The following INCENP variants were observed in gnomAD, a reference collection of about 807,000 sequenced individuals.
INCENP encodes inner centromere protein.
A neutral mutation model predicts 107.3 loss-of-function variants in INCENP; 43 were observed. The observed-to-expected ratio is 0.40, with a 90% CI of 0.31 to 0.52. The LOEUF (loss-of-function observed/expected upper bound fraction) is 0.52, where lower values mean the gene tolerates loss of function less well. Among genes scored for constraint, INCENP ranks in the 20% least tolerant of loss-of-function variants. INCENP has a pLI of 0.53. For missense variants in INCENP, 1,089 were observed against 1,250.9 expected (o/e 0.87, Z 1.95); for synonymous variants, 488 against 494.4 (o/e 0.99, Z 0.17).
intron 11 of INCENP, 52 bp downstream of exon 11, chr11:62,141,563 G>A (rs145564710): frequency 8.7e-6 from 14 of 1,609,010 alleles, no homozygotes; most frequent in South Asian, 3.3e-5. Context: ...GCACTCACCC[G>A]CTGTAGCCCC....
chr11:62,152,246 T>G lies in INCENP; in HGVS notation c.*270T>G. The G allele has an allele frequency of 2.0e-6, 1 of 502,080 alleles. No individual in the cohort carries two copies. Among genetic ancestry groups the G allele is most frequent in the South Asian group, 2.9e-5 (1 of 34,364 alleles). The allele number at this position is 502,080 out of a possible 1,614,324, so 31.1% of individuals were successfully genotyped here. On this transcript the variant is annotated 3_prime_UTR_variant, in exon 19 of 19. Transcript: ENST00000394818. ...CAGACAGTGCTCTGTAAATAGTTGT[T>G]TTAATTTAGCTGAATGTTAGCATTT...
Position 62,151,974 on chromosome 11 carries a change from T to G in INCENP, c.2755T>G (p.Ter919GlyextTer87). The part of the protein sequence containing the change: ...SSLAYSLKKH[*>G] ...CCTGGCCTACAGCCTGAAGAAGCAC[T>G]GAGGCTGGCCTGCGGCCTTCTTGGC... is the stretch of plus-strand genomic sequence containing the variant. Residue 919 changes from the stop codon to glycine, a stop_lost, in exon 19 of 19, where the codon TGA becomes GGA. Coordinates refer to ENST00000394818, the MANE Select transcript of INCENP (RefSeq NM_001040694.2). 1.2e-6 allele frequency: 2 copies of G among 1,608,144 alleles called. No homozygotes were observed. The highest frequency in any genetic ancestry group is 1.7e-6 in the Non-Finnish European group (2 of 1,179,216).
intron 3 of INCENP, among the ~76,000 whole-genome samples, chr11:62,129,201 T>G (rs1250043453): frequency 6.6e-6 from 1 of 152,190 alleles, no homozygotes; most frequent in East Asian, 1.9e-4. Flanking sequence ...TAGGTGAGTG[T>G]GACCAGGGGT....
In INCENP at chr11:62,151,769, G is replaced by A. The variant is rs201085297; in HGVS notation, c.2550G>A (p.Pro850=). The A allele has an allele frequency of 1.6e-5, 26 of 1,613,792 alleles. No homozygotes were observed. Among genetic ancestry groups the A allele is most frequent in the African/African-American group, 5.3e-5 (4 of 74,926 alleles). Residue 850 remains proline (P), a synonymous_variant, in exon 19 of 19, where the codon CCG becomes CCA. Transcript: ENST00000394818. ...GTCTGTGGTCTCCTGCAGGCACCCC[G>A]CTCAGCCAGGCTATCATTCACCAGT... ...KPIPTWARGT[P]LSQAIIHQYY... is the part of the protein sequence containing the mutation.
rs939298116 is a variant in INCENP at position 62,152,356 on chromosome 11, G to A, written c.*380G>A. On this transcript the variant is annotated 3_prime_UTR_variant, in exon 19 of 19. Coordinates refer to ENST00000394818, the MANE Select transcript of INCENP (RefSeq NM_001040694.2). ...GCTGTTGATACCATGAAGACTGGGCGCCTCAGTCCCAGCCCTGTAGCTGTG... is the reference window on the plus strand; with the variant it reads ...GCTGTTGATACCATGAAGACTGGGCACCTCAGTCCCAGCCCTGTAGCTGTG... 1.6e-5 allele frequency: 4 copies of A among 246,060 alleles called. No individual in the cohort carries two copies. Among genetic ancestry groups the A allele is most frequent in the Non-Finnish European group, 2.4e-5 (3 of 125,814 alleles). 15.2% of individuals were successfully genotyped at this position (246,060 alleles called of 1,614,324 possible). A position where few individuals can be genotyped will look rare whatever the true frequency, so the allele number is the denominator to read the frequency against.
At chr11:62,134,642 A>G (rs1463667504) in intron 4 of INCENP, among the ~76,000 whole-genome samples, 5 of 152,190 alleles carry the variant, frequency 3.3e-5, no homozygotes, top group Admixed American at 2.0e-4. Context: ...CAAAACAAAA[A>G]TGTACTGAAG....
Position 62,146,717 on chromosome 11 carries a change from G to A in INCENP, c.2019G>A (p.Glu673=). The A allele has an allele frequency of 6.4e-7, 1 of 1,550,828 alleles. No homozygotes were observed. The highest frequency in any genetic ancestry group is 2.4e-5 in the East Asian group (1 of 40,922). ...AGAAGAAGAAGGAAGAGGAGCAGGAGCGGCTGCGGAAGGCGGCCGAGGCTA... is the reference window on the plus strand; with the variant it reads ...AGAAGAAGAAGGAAGAGGAGCAGGAACGGCTGCGGAAGGCGGCCGAGGCTA... ...LLQKKKEEEQ[E]RLRKAAEAKR... is the part of the protein sequence containing the mutation. The change falls in exon 15 of 19, where the codon GAG becomes GAA. Residue 673 remains glutamate (E), a synonymous_variant. Coordinates refer to ENST00000394818, the MANE Select transcript of INCENP (RefSeq NM_001040694.2).
chr11:62,129,109 G>A (rs553200429), intron 3 of INCENP, among the ~76,000 whole-genome samples: 1 of 152,328 alleles, frequency 6.6e-6, no homozygotes, highest in South Asian at 2.1e-4. Context: ...CTGTGTGTTG[G>A]GGGTGGGTGT....
At chr11:62,141,140 T>C (rs1192794771) in intron 10 of INCENP, 96 bp downstream of exon 10, 1 of 1,486,602 alleles carries the variant, frequency 6.7e-7, no homozygotes, top group Non-Finnish European at 9.1e-7. Context: ...AGTGTGAGCC[T>C]GGGCGGAGGC....
At chr11:62,149,493 T>G in intron 17 of INCENP, among the ~76,000 whole-genome samples, 1 of 152,206 alleles carries the variant, frequency 6.6e-6, no homozygotes, top group South Asian at 2.1e-4. Context: ...TGATGGATGG[T>G]TACGTTGCAA....
At position 62,146,652 on chromosome 11, in the gene INCENP, T is replaced by A. The variant is rs1312075886; in HGVS notation, c.1960-6T>A. Reference sequence around the variant, plus strand: ...CCGCAGCACCTGACCTTGCTCTCTGTTTCAGGAGGAGGAAGAGCGGCGGCA... The same window carrying A: ...CCGCAGCACCTGACCTTGCTCTCTGATTCAGGAGGAGGAAGAGCGGCGGCA... On this transcript the variant is annotated splice_polypyrimidine_tract_variant and splice_region_variant and intron_variant, in intron 14 of 18. Transcript: ENST00000394818. The A allele has an allele frequency of 6.4e-7, 1 of 1,550,646 alleles. No individual in the cohort carries two copies. The highest frequency in any genetic ancestry group is 1.4e-5 in the African/African-American group (1 of 72,980).
rs938912699 is a variant in INCENP at position 62,141,817 on chromosome 11, C to A, written c.1605+306C>A. 3.1e-5 allele frequency: 16 copies of A among 521,120 alleles called. No individual in the cohort carries two copies. The East Asian group carries it at 5.6e-4, about 18-fold the overall frequency. 32.3% of individuals were successfully genotyped at this position (521,120 alleles called of 1,614,324 possible). Reference sequence around the variant, plus strand: ...ACAGCCACCTTCCCTCCCTCCTCCCCTGCACCAGGCCCCGTCAGGGTCTGT... The same window carrying A: ...ACAGCCACCTTCCCTCCCTCCTCCCATGCACCAGGCCCCGTCAGGGTCTGT... On this transcript the variant is annotated intron_variant, in intron 11 of 18. Coordinates refer to ENST00000394818, the MANE Select transcript of INCENP (RefSeq NM_001040694.2).
chr11:62,147,676 T>C (rs1171490814), intron 15 of INCENP, among the ~76,000 whole-genome samples: 2 of 152,174 alleles, frequency 1.3e-5, no homozygotes, highest in African/African-American at 4.8e-5. Flanking sequence ...TTTTTCCGTG[T>C]CCATCTTCGT....
rs371735595 is a variant in INCENP, at chr11:62,146,807, C to T, written c.2109C>T (p.Arg703=). The T allele has an allele frequency of 3.4e-4, 511 of 1,519,974 alleles. 3 individuals are homozygous for T. The African/African-American group carries it at 6.4e-3, about 19-fold the overall frequency. The allele number at this position is 1,519,974 out of a possible 1,614,324, so 94.2% of individuals were successfully genotyped here. Residue 703 remains arginine, a synonymous_variant, in exon 15 of 19, where the codon CGC becomes CGT. Transcript: ENST00000394818. Reference sequence around the variant, plus strand: ...AGGAGCGGCGCGAGCAGGAGCGGCGCGAGCAGGAGCGGCGGGAGCAGGAGC... The same window carrying T: ...AGGAGCGGCGCGAGCAGGAGCGGCGTGAGCAGGAGCGGCGGGAGCAGGAGC... ...REQERREQER[R]EQERREQERR...
intron 4 of INCENP, among the ~76,000 whole-genome samples, chr11:62,137,576 A>G (rs1944018677): frequency 2.0e-5 from 3 of 152,202 alleles, no homozygotes; most frequent in African/African-American, 7.2e-5. Context: ...TTCCCAGCCC[A>G]GTGAAGGTGC....
chr11:62,147,015 T>G (rs1944266684), intron 15 of INCENP, 113 bp downstream of exon 15: 1 of 1,501,930 alleles, frequency 6.7e-7, no homozygotes, highest in South Asian at 1.3e-5. Context: ...GGTGCTTTCC[T>G]TGGCACCAAA....
At chr11:62,124,626 G>A (rs1943711059) in intron 1 of INCENP, among the ~76,000 whole-genome samples, 1 of 152,220 alleles carries the variant, frequency 6.6e-6, no homozygotes, top group Non-Finnish European at 1.5e-5. Flanking sequence ...CCTGTTCGCT[G>A]TCAGCGGTTC....
intron 11 of INCENP, among the ~76,000 whole-genome samples, chr11:62,143,740 A>G (rs2134663443): frequency 6.6e-6 from 1 of 152,322 alleles, no homozygotes; most frequent in Non-Finnish European, 1.5e-5. Flanking sequence ...TAACCAGTAC[A>G]GGAAGAGGGG....
At chr11:62,144,845 GA>G in intron 11 of INCENP, 136 bp from the exon 12 acceptor site, 1 of 832,026 alleles carries the variant, frequency 1.2e-6, no homozygotes, top group Non-Finnish European at 2.1e-6. Flanking sequence ...CCACGTTGGG[GA>G]TACCTCTGCC....
Sources: allele counts gnomAD v4.1 joint callset (sites outside exome capture counted in the v4.1 genomes callset), GRCh38; gene constraint gnomAD v4.1.1; transcripts MANE v1.5; gene names NCBI Gene and HGNC (gene_info 2026-07-23, HGNC 2026-07-21).